Variants in MALL observed in about 807,000 individuals in gnomAD.
MALL encodes mal, T cell differentiation protein like, also known as MAL-like protein.
Under a neutral mutation model 10.3 loss-of-function variants are expected in MALL, and 2 were observed. The observed-to-expected ratio is 0.19, with a 90% CI of 0.08 to 0.61. The LOEUF is 0.61. Ranked by LOEUF, MALL falls within the 20% of genes least tolerant of loss-of-function variation. The pLI is 0.88. For synonymous variants in MALL, 27 were observed against 51.8 expected (o/e 0.52, Z 2.05); for missense variants, 39 against 115.2 (o/e 0.34, Z 3.03).
chr2:110,109,777 C>T (rs1388781530), intron 1 of MALL, among the ~76,000 whole-genome samples: 3 of 152,104 alleles, frequency 2.0e-5, no homozygotes, highest in Non-Finnish European at 4.4e-5. Flanking sequence ...ACATTCTATA[C>T]AACAGCACAT....
At chr2:110,117,107 A>C (rs955496844), upstream of MALL, among the ~76,000 whole-genome samples, 4 of 152,134 alleles carry the variant, frequency 2.6e-5, no homozygotes, top group South Asian at 2.1e-4. Flanking sequence ...AACCAGACTG[A>C]TCATCCCTTT....
At chr2:110,098,813 G>A (rs1245404027) in intron 1 of MALL, among the ~76,000 whole-genome samples, 2 of 152,000 alleles carry the variant, frequency 1.3e-5, no homozygotes, top group Non-Finnish European at 2.9e-5. Flanking sequence ...AAGCAGCCTG[G>A]GCAACATGGC....
At chr2:110,097,095 CA>C (rs71405880) in intron 1 of MALL, among the ~76,000 whole-genome samples, 91 of 139,696 alleles carry the variant, frequency 6.5e-4, no homozygotes, top group African/African-American at 2.4e-3. Context: ...CAAAACAAAA[CA>C]AAAAAAAAAA....
At chr2:110,117,604 T>C (rs545090400), upstream of MALL, among the ~76,000 whole-genome samples, 1 of 130,350 alleles carries the variant, frequency 7.7e-6, no homozygotes, top group Admixed American at 7.8e-5. Context: ...TGTGTGTGTG[T>C]GTGTGTGTGT....
upstream of MALL, among the ~76,000 whole-genome samples, chr2:110,118,038 A>C (rs1204988955): frequency 6.6e-6 from 1 of 151,444 alleles, no homozygotes; most frequent in East Asian, 1.9e-4. Flanking sequence ...TAGTGTTTTG[A>C]ATTCTGGTTT....
chr2:110,095,462 A>G (rs1574030098), intron 1 of MALL, among the ~76,000 whole-genome samples: 1 of 152,144 alleles, frequency 6.6e-6, no homozygotes, highest in Admixed American at 6.5e-5. Context: ...ACTTGAAAGG[A>G]CGTCTTAAGG....
chr2:110,110,678 A>T (rs1205137100), intron 1 of MALL, among the ~76,000 whole-genome samples: 1 of 152,148 alleles, frequency 6.6e-6, no homozygotes, highest in Non-Finnish European at 1.5e-5. Context: ...ACATTATTCC[A>T]CAAGATAGAG....
intron 1 of MALL, among the ~76,000 whole-genome samples, chr2:110,106,409 A>G (rs12998618): frequency 0.39 from 59,581 of 151,910 alleles, 12,078 homozygotes; most frequent in East Asian, 0.5. Flanking sequence ...AGGCTCCCCC[A>G]AGGCACACAC....
chr2:110,112,593 G>A (rs1233153513), intron 1 of MALL, among the ~76,000 whole-genome samples: 1 of 152,006 alleles, frequency 6.6e-6, no homozygotes, highest in Non-Finnish European at 1.5e-5. Flanking sequence ...ATAGATGTTG[G>A]TGTGGATGTG....
intron 1 of MALL, among the ~76,000 whole-genome samples, chr2:110,103,620 G>T (rs560020363): frequency 2.6e-5 from 4 of 152,318 alleles, no homozygotes; most frequent in African/African-American, 9.6e-5. Context: ...TCTAGGGCTC[G>T]CCCTGGGTCC....
rs1435612027 is a variant in MALL at position 110,115,788 on chromosome 2, G to T, written c.5C>A (p.Ala2Asp). The T allele has an allele frequency of 7.9e-7, 1 of 1,264,682 alleles. No individual in the cohort carries two copies. The highest frequency in any genetic ancestry group is 1.0e-6 in the Non-Finnish European group (1 of 997,838). The allele number at this position is 1,264,682 out of a possible 1,614,324, so 78.3% of individuals were successfully genotyped here. A position where few individuals can be genotyped will look rare whatever the true frequency, so the allele number is the denominator to read the frequency against. Residue 2 changes from alanine (A) to aspartate (D), a missense_variant, in exon 1 of 4, where the codon GCC (alanine) becomes GAC (aspartate). By Grantham distance (126) the Ala-to-Asp change is moderately radical. Coordinates refer to ENST00000272462, the MANE Select transcript of MALL (RefSeq NM_005434.5). The part of the protein sequence containing the change: M[A>D]SPDPPATSYA... The stretch of plus-strand genomic sequence containing the variant: ...GCTGGTGGCGGGCGGGTCGGGCGAG[G>T]CCATGCTGTCAGCCCCTGCCGGGTG...
chr2:110,111,420 C>A (rs1032089668), intron 1 of MALL, among the ~76,000 whole-genome samples: 3 of 152,058 alleles, frequency 2.0e-5, no homozygotes, highest in Admixed American at 6.6e-5. Flanking sequence ...TTTCTATACA[C>A]CAACAGCGAC....
chr2:110,103,069 G>A (rs892131600), intron 1 of MALL, among the ~76,000 whole-genome samples: 6 of 152,276 alleles, frequency 3.9e-5, no homozygotes, highest in African/African-American at 1.4e-4. Flanking sequence ...AAAGAGGTCT[G>A]AAGACTCTGG....
chr2:110,113,326 T>G (rs934224160), intron 1 of MALL, among the ~76,000 whole-genome samples: 6 of 149,554 alleles, frequency 4.0e-5, no homozygotes, highest in African/African-American at 1.2e-4. Context: ...TAGTCCCAGC[T>G]ACTCGGGAGG....
upstream of MALL, among the ~76,000 whole-genome samples, chr2:110,117,587 ATGTGTG>A (rs3840469): frequency 6.0e-4 from 63 of 105,488 alleles, 1 homozygote; most frequent in Admixed American, 1.3e-3. Context: ...GACCAAAGCA[ATGTGTG>A]TGTGTGTGTG....
At chr2:110,114,495 T>C (rs1426642014) in intron 1 of MALL, among the ~76,000 whole-genome samples, 1 of 151,760 alleles carries the variant, frequency 6.6e-6, no homozygotes, top group Non-Finnish European at 1.5e-5. Context: ...GTAGGACTCA[T>C]CAGAGCACGG....
intron 1 of MALL, among the ~76,000 whole-genome samples, chr2:110,111,317 A>C (rs1678797529): frequency 6.6e-6 from 1 of 151,868 alleles, no homozygotes; most frequent in South Asian, 2.1e-4. Flanking sequence ...TAACTTGAAA[A>C]CTCTAAGGAC....
intron 1 of MALL, among the ~76,000 whole-genome samples, chr2:110,102,747 T>C (rs1678601438): frequency 6.6e-6 from 1 of 152,098 alleles, no homozygotes; most frequent in Non-Finnish European, 1.5e-5. Flanking sequence ...ATTCTCACAG[T>C]AGGGTAGGGA....
intron 1 of MALL, among the ~76,000 whole-genome samples, chr2:110,104,584 G>C (rs1332721091): frequency 6.6e-6 from 1 of 152,154 alleles, no homozygotes; most frequent in Non-Finnish European, 1.5e-5. Context: ...TTAACTTCCT[G>C]GTCCTAGGCA....
Sources: gnomAD v4.1 joint callset for allele counts (sites outside exome capture counted in the v4.1 genomes callset) on GRCh38, gnomAD v4.1.1 for gene constraint, MANE v1.5 for transcripts, NCBI Gene and HGNC (gene_info 2026-07-23, HGNC 2026-07-21) for gene names.